Variants in COBLL1 observed in about 807,000 individuals in gnomAD.
COBLL1 encodes cordon-bleu WH2 repeat protein like 1.
In COBLL1, 50 loss-of-function variants were observed where a neutral mutation model predicts 94.8. The ratio of observed to expected loss-of-function variants is 0.53; its 90% CI spans 0.42 to 0.67. The LOEUF (loss-of-function observed/expected upper bound fraction) is 0.67. COBLL1 is among the 30% of genes least tolerant of loss of function. The pLI is 0.00. For missense variants in COBLL1, 1,362 were observed against 1,348.7 expected, an observed-to-expected ratio of 1.01 and a Z score of -0.15; for synonymous variants, 448 against 473.8, an observed-to-expected ratio of 0.95 and a Z score of 0.71.
intron 3 of COBLL1, among the ~76,000 whole-genome samples, chr2:164,741,170 G>T (rs951557754): frequency 5.9e-5 from 9 of 152,156 alleles, no homozygotes; most frequent in African/African-American, 1.9e-4. Context: ...CAGCTACTTG[G>T]GACACTGGGG....
In COBLL1 at chr2:164,700,532, T is replaced by C. The variant is rs1684194946; in HGVS notation, c.1450A>G (p.Thr484Ala). 1 of 1,610,554 alleles carries C rather than the reference T, an allele frequency of 6.2e-7. No individual in the cohort carries two copies. Among genetic ancestry groups the C allele is most frequent in the African/African-American group, 1.3e-5 (1 of 74,816 alleles). ...SMEEKQETKSTDGQEPHSVVY... is the reference protein window; with the variant it reads ...SMEEKQETKSADGQEPHSVVY... ...ACAGAGACTACTTACTGTCCATCTG[T>C]GCTTTTAGTTTCTTGTTTTTCTTCC... is the stretch of plus-strand genomic sequence containing the variant. Residue 484 changes from threonine to alanine, a missense_variant, in exon 10 of 14, where the codon ACA (threonine) becomes GCA (alanine). By Grantham distance (58) the Thr-to-Ala change is moderately conservative. Transcript: ENST00000652658.
chr2:164,721,996 A>G (rs1469768664), intron 7 of COBLL1, 79 bp downstream of exon 7: 1 of 1,086,016 alleles, frequency 9.2e-7, no homozygotes, highest in Non-Finnish European at 1.3e-6. Context: ...GTCTACCTAG[A>G]AAAGATGTTA....
chr2:164,692,529 G>T, intron 12 of COBLL1, 132 bp from the exon 13 acceptor site: 1 of 656,620 alleles, frequency 1.5e-6, no homozygotes. Context: ...ACACAGCTCT[G>T]TTTCCTCACC....
At chr2:164,805,336 T>A (rs1684063775) in intron 2 of COBLL1, among the ~76,000 whole-genome samples, 1 of 60,336 alleles carries the variant, frequency 1.7e-5, no homozygotes, top group African/African-American at 6.4e-5. Flanking sequence ...TCTCTCTCTC[T>A]CTATATATAT....
At chr2:164,821,908 G>A (rs1246890449) in intron 2 of COBLL1, among the ~76,000 whole-genome samples, 2 of 152,168 alleles carry the variant, frequency 1.3e-5, no homozygotes, top group African/African-American at 4.8e-5. Context: ...TGAGAGTGGT[G>A]AGCTTAAACC....
At chr2:164,764,964 T>A (rs1287921255) in intron 2 of COBLL1, among the ~76,000 whole-genome samples, 5 of 152,090 alleles carry the variant, frequency 3.3e-5, no homozygotes, top group Non-Finnish European at 7.4e-5. Flanking sequence ...TGAACAAGGG[T>A]TTCCTTTAAA....
intron 4 of COBLL1, 76 bp downstream of exon 4, chr2:164,729,838 T>C (rs1371264723): frequency 1.6e-6 from 2 of 1,273,924 alleles, no homozygotes; most frequent in Non-Finnish European, 2.3e-6. Flanking sequence ...ACCAGTAAAG[T>C]CCATTTTTAT....
At chr2:164,709,182 T>C (rs756698526) in intron 7 of COBLL1, among the ~76,000 whole-genome samples, 5 of 152,224 alleles carry the variant, frequency 3.3e-5, no homozygotes, top group Non-Finnish European at 7.3e-5. Context: ...GGATAAAGAA[T>C]TTAAAATTTG....
At chr2:164,796,276 C>G (rs536605565) in intron 2 of COBLL1, among the ~76,000 whole-genome samples, 1 of 152,052 alleles carries the variant, frequency 6.6e-6, no homozygotes, top group Non-Finnish European at 1.5e-5. Flanking sequence ...GGACAAAGTA[C>G]CTGTACATGT....
At chr2:164,756,975 A>G (rs1246412314) in intron 2 of COBLL1, among the ~76,000 whole-genome samples, 8 of 152,178 alleles carry the variant, frequency 5.3e-5, no homozygotes, top group Admixed American at 5.2e-4. Flanking sequence ...TGGGTAAGGT[A>G]TATTCATTGT....
In COBLL1 at chr2:164,708,424, G is replaced by C. The variant is rs867795142; in HGVS notation, c.997-3319C>G. ...AACAAGGGCCCGCTGCAACAAAAAG[G>C]TAAGAAAGAAGTGCACCAAGGAGTT... On this transcript the variant is annotated intron_variant, in intron 7 of 13. Coordinates refer to ENST00000652658, the MANE Select transcript of COBLL1 (RefSeq NM_001365672.2). 2.6e-5 allele frequency among the ~76,000 whole-genome samples: 4 copies of C among 152,164 alleles called. No homozygotes were observed. The South Asian group carries it at 8.3e-4, about 31-fold the overall frequency.
intron 2 of COBLL1, among the ~76,000 whole-genome samples, chr2:164,758,882 G>A (rs1286855246): frequency 6.6e-6 from 1 of 151,602 alleles, no homozygotes; most frequent in African/African-American, 2.4e-5. Flanking sequence ...TACTATACTT[G>A]CTCTCTGAAG....
chr2:164,673,015 A>G (rs534371579), intron 1 of COBLL1, among the ~76,000 whole-genome samples: 151 of 152,300 alleles, frequency 9.9e-4, no homozygotes, highest in Non-Finnish European at 1.8e-3. Flanking sequence ...AAAAACAACA[A>G]TAATTTAAAA....
chr2:164,658,273 A>G (rs1411110862), intron 2 of COBLL1, among the ~76,000 whole-genome samples: 1 of 152,194 alleles, frequency 6.6e-6, no homozygotes, highest in Non-Finnish European at 1.5e-5. Context: ...GGAAAACCCA[A>G]GTGCTTTTGG....
chr2:164,799,149 C>A (rs1422297093), intron 2 of COBLL1, among the ~76,000 whole-genome samples: 1 of 151,676 alleles, frequency 6.6e-6, no homozygotes, highest in African/African-American at 2.4e-5. Context: ...AATTGAAAAG[C>A]AGCTGAATAA....
At chr2:164,696,799 C>A (rs938986391) in intron 11 of COBLL1, 1 of 152,226 alleles carries the variant, frequency 6.6e-6, no homozygotes, top group African/African-American at 2.4e-5. Context: ...TTAAGTCATT[C>A]CTCTGCTCCT....
intron 13 of COBLL1, 87 bp downstream of exon 13, chr2:164,692,134 T>C: frequency 8.1e-7 from 1 of 1,236,046 alleles, no homozygotes; most frequent in African/African-American, 1.5e-5. Context: ...TATTTAGATT[T>C]ACATGCTAGA....
Position 164,728,013 on chromosome 2 carries a change from T to C in COBLL1, c.617A>G (p.Asn206Ser). The C allele has an allele frequency of 6.2e-7, 1 of 1,613,288 alleles. No individual in the cohort carries two copies. Among genetic ancestry groups the C allele is most frequent in the South Asian group, 1.1e-5 (1 of 91,066 alleles). ...ATATAATTCTCTTAGTCCCAGGTCA[T>C]TAAGAGATTTTGTCAAGTCAAGAGG... ...QEPLDLTKSLNDLGLRELYAM... is the reference protein window; with the variant it reads ...QEPLDLTKSLSDLGLRELYAM... The change falls in exon 5 of 14, where the codon AAT (asparagine) becomes AGT (serine). Residue 206 changes from asparagine to serine, a missense_variant. Transcript: ENST00000652658.
In COBLL1 at chr2:164,695,840, A is replaced by G. The variant is rs1368402371; in HGVS notation, c.1556-4T>C. 1 of 1,539,982 alleles carries G rather than the reference A, an allele frequency of 6.5e-7. No homozygotes were observed. The highest frequency in any genetic ancestry group is 2.3e-5 in the East Asian group (1 of 44,246). Reference sequence around the variant, plus strand: ...ACAATTATTTCATTTTGAACTACTGAGAGAAAAAAATCATCAAGTTAAATA... The same window carrying G: ...ACAATTATTTCATTTTGAACTACTGGGAGAAAAAAATCATCAAGTTAAATA... On this transcript the variant is annotated splice_region_variant and splice_polypyrimidine_tract_variant and intron_variant, in intron 11 of 13. Transcript: ENST00000652658.
Sources: gnomAD v4.1 joint callset for allele counts (sites outside exome capture counted in the v4.1 genomes callset) on GRCh38, gnomAD v4.1.1 for gene constraint, MANE v1.5 for transcripts, NCBI Gene and HGNC (gene_info 2026-07-23, HGNC 2026-07-21) for gene names.